TERT: variants seen among roughly 807,000 people sequenced by gnomAD.
TERT encodes telomerase catalytic subunit.
In TERT, 42 loss-of-function variants were observed where a neutral mutation model predicts 104.0. That is an observed-to-expected ratio of 0.40 (90% CI 0.32 to 0.52). The LOEUF (loss-of-function observed/expected upper bound fraction) is 0.52, where lower values mean the gene tolerates loss of function less well. Ranked by LOEUF, TERT falls within the 20% of genes least tolerant of loss-of-function variation. The pLI, the probability that TERT is intolerant of heterozygous loss-of-function variation, is 0.43. For missense variants in TERT, 1,101 were observed against 1,610.3 expected, an observed-to-expected ratio of 0.68 and a Z score of 5.41; for synonymous variants, 781 against 725.6, an observed-to-expected ratio of 1.08 and a Z score of -1.23.
rs1329866275 is a variant in TERT at position 1,286,383 on chromosome 5, A to G, written c.1574-3759T>C. On this transcript the variant is annotated intron_variant, in intron 2 of 15. Transcript: ENST00000310581. This position sits in a 1 kb window ranked among gnomAD's most constrained non-coding sequence, Gnocchi z 5.3. ...AGACGGGGAACAAAGGAGGAAAAGC[A>G]GGGCGGGGGCAAAGCTACAGAAACA... Among the ~76,000 whole-genome samples, 1 of 152,200 alleles carries G rather than the reference A, an allele frequency of 6.6e-6. No homozygotes were observed. The highest frequency in any genetic ancestry group is 2.4e-5 in the African/African-American group (1 of 41,446).
chr5:1,264,463 G>T lies in TERT; in HGVS notation c.2784C>A (p.Phe928Leu). ...AFVQMPAHGL[F>L]PWCGLLLDTR... Reference sequence around the variant, plus strand: ...TATCCAGCAGCAGGCCGCACCAGGGGAATAGGCCGTGGGCCGGCATCTGAA... The same window carrying T: ...TATCCAGCAGCAGGCCGCACCAGGGTAATAGGCCGTGGGCCGGCATCTGAA... Residue 928 changes from phenylalanine to leucine, a missense_variant, in exon 11 of 16, where the codon TTC becomes TTA. This residue lies in a region of TERT where 463 missense variants were observed against 797.5 expected (regional missense o/e 0.58). Coordinates refer to ENST00000310581, the MANE Select transcript of TERT (RefSeq NM_198253.3). 6.2e-7 allele frequency: 1 copy of T among 1,613,852 alleles called. No individual in the cohort carries two copies. Among genetic ancestry groups the T allele is most frequent in the Non-Finnish European group, 8.5e-7 (1 of 1,180,026 alleles).
chr5:1,278,979 G>C (rs1199650303), intron 5 of TERT, among the ~76,000 whole-genome samples, 183 bp from the exon 6 acceptor site: 2 of 152,246 alleles, frequency 1.3e-5, no homozygotes, highest in Admixed American at 6.5e-5. Flanking sequence ...CCCTGGCTCA[G>C]GACTGGGGTG....
intron 2 of TERT, among the ~76,000 whole-genome samples, chr5:1,291,135 C>T (rs375353615): frequency 2.1e-4 from 27 of 126,978 alleles, no homozygotes; most frequent in Middle Eastern, 5.4e-3. Context: ...CAGGGACACC[C>T]GGGGACAGTG....
At chr5:1,260,738 G>C (rs910978050) in intron 11 of TERT, 138 bp from the exon 12 acceptor site, 31 of 1,252,696 alleles carry the variant, frequency 2.5e-5, no homozygotes, top group Middle Eastern at 2.6e-4. Context: ...GCCCGAGGGG[G>C]CTGGGTGCTC....
Position 1,288,165 on chromosome 5 carries a change from A to G in TERT, c.1573+5148T>C, listed in dbSNP as rs928142127. Among the ~76,000 whole-genome samples the G allele has an allele frequency of 2.0e-5, 3 of 152,286 alleles. No individual in the cohort carries two copies. The highest frequency in any genetic ancestry group is 7.2e-5 in the African/African-American group (3 of 41,548). ...AAACACAGCGTGCACAAAGAAAAAA[A>G]TCACAGAATAAGAATACTTAAAAGA... On this transcript the variant is annotated intron_variant, in intron 2 of 15. Coordinates refer to ENST00000310581, the MANE Select transcript of TERT (RefSeq NM_198253.3). This position sits in a 1 kb window ranked among gnomAD's most constrained non-coding sequence, Gnocchi z 5.3.
rs565829318 is a variant in TERT at position 1,255,936 on chromosome 5, C to T, written c.3033-525G>A. ...ACCCATCATCTCATCTCACTGACAC[C>T]GAGACACCGACTTGGCTTCTGTGTG... On this transcript the variant is annotated intron_variant, in intron 13 of 15. Coordinates refer to ENST00000310581, the MANE Select transcript of TERT (RefSeq NM_198253.3). This position sits in a 1 kb window ranked among gnomAD's most constrained non-coding sequence, Gnocchi z 6.9. Among the ~76,000 whole-genome samples the T allele has an allele frequency of 5.3e-5, 8 of 152,098 alleles. No homozygotes were observed. Among genetic ancestry groups the T allele is most frequent in the Admixed American group, 2.0e-4 (3 of 15,282 alleles).
In TERT at chr5:1,257,931, G is replaced by A. The variant is rs1329833677; in HGVS notation, c.3032+667C>T. 6.6e-6 allele frequency among the ~76,000 whole-genome samples: 1 copy of A among 152,188 alleles called. No homozygotes were observed. Among genetic ancestry groups the A allele is most frequent in the Non-Finnish European group, 1.5e-5 (1 of 68,024 alleles). ...AGGCCCGGGCCTGTGGTGCCCGACT[G>A]CCCTTTGGTACAGCCCCGAGGCTTG... On this transcript the variant is annotated intron_variant, in intron 13 of 15. Coordinates refer to ENST00000310581, the MANE Select transcript of TERT (RefSeq NM_198253.3). The surrounding 1 kb of genome is among the most constrained non-coding windows in gnomAD (Gnocchi z 5.6).
chr5:1,267,790 C>A (rs1335732797), intron 9 of TERT, among the ~76,000 whole-genome samples: 3 of 152,072 alleles, frequency 2.0e-5, no homozygotes, highest in African/African-American at 4.8e-5. Context: ...ACAATGAGAA[C>A]ACTTGGACAC....
rs377216965 is a variant in TERT at position 1,271,196 on chromosome 5, G to C, written c.2391C>G (p.Ser797=). 325 of 1,613,016 alleles carry C rather than the reference G, an allele frequency of 2.0e-4. 1 individual carries two copies. The highest frequency in any genetic ancestry group is 3.7e-5 in the Non-Finnish European group (44 of 1,179,918). Residue 797 remains serine (S), a synonymous_variant, in exon 8 of 16, where the codon TCC becomes TCG. Transcript: ENST00000310581. The stretch of plus-strand genomic sequence containing the variant: ...AGAGGCCACTGCTGGCCTCATTCAG[G>C]GAGGAGCTCTGCGAAAGCAGACGGG... ...RDAVVIEQSS[S]LNEASSGLFD...
chr5:1,266,689 G>A (rs1386427729), intron 9 of TERT, among the ~76,000 whole-genome samples, 154 bp from the exon 10 acceptor site: 2 of 152,214 alleles, frequency 1.3e-5, no homozygotes, highest in African/African-American at 4.8e-5. Flanking sequence ...CTTTCCAACA[G>A]ACGAGCTCTC....
rs1164672434 is a variant in TERT at position 1,273,135 on chromosome 5, C to CTGT, written c.2287-856_2287-855insACA. On this transcript the variant is annotated intron_variant, in intron 6 of 15. Coordinates refer to ENST00000310581, the MANE Select transcript of TERT (RefSeq NM_198253.3). ...CACAGTCACCACACATCAGACCCCA[C>CTGT]GACCGCCATCCACAGTCACCACATC... 1.7e-3 allele frequency among the ~76,000 whole-genome samples: 24 copies of CTGT among 13,836 alleles called. 2 individuals carry two copies. Among genetic ancestry groups the CTGT allele is most frequent in the South Asian group, 6.0e-3 (1 of 168 alleles). 9.1% of individuals were successfully genotyped at this position (13,836 alleles called of 152,430 possible). A position where few individuals can be genotyped will look rare whatever the true frequency, so the allele number is the denominator to read the frequency against.
intron 2 of TERT, among the ~76,000 whole-genome samples, chr5:1,291,376 C>G (rs1579593566): frequency 1.1e-5 from 1 of 93,466 alleles, no homozygotes; most frequent in Admixed American, 1.1e-4. Context: ...CTGCACGTGA[C>G]AGGGACACCC....
chr5:1,279,441 T>A lies in TERT; in HGVS notation c.1980A>T (p.Ala660=). 6.4e-7 allele frequency: 1 copy of A among 1,550,616 alleles called. No individual in the cohort carries two copies. The highest frequency in any genetic ancestry group is 2.4e-5 in the East Asian group (1 of 41,106). Residue 660 remains alanine (A), a synonymous_variant, in exon 5 of 16, where the codon GCA becomes GCT. Transcript: ENST00000310581. ...GCTCGTAGTTGAGCACGCTGAACAG[T>A]GCCTTCACCCTCGAGGTGAGACGCT... ...RAERLTSRVK[A]LFSVLNYERA... is the part of the protein sequence containing the mutation.
rs2126666133 is a variant in TERT at position 1,287,606 on chromosome 5, A to C, written c.1574-4982T>G. ...GTGTGGCAGTACTAAGAGCAATTTA[A>C]AAAAAGAATTACTAGATTACTAGAG... On this transcript the variant is annotated intron_variant, in intron 2 of 15. Coordinates refer to ENST00000310581, the MANE Select transcript of TERT (RefSeq NM_198253.3). This position sits in a 1 kb window ranked among gnomAD's most constrained non-coding sequence, Gnocchi z 4.3. Among the ~76,000 whole-genome samples the C allele has an allele frequency of 6.6e-6, 1 of 152,144 alleles. No homozygotes were observed. The highest frequency in any genetic ancestry group is 1.5e-5 in the Non-Finnish European group (1 of 68,010).
chr5:1,271,072 C>T, intron 8 of TERT, 47 bp downstream of exon 8: 1 of 1,491,592 alleles, frequency 6.7e-7, no homozygotes, highest in Non-Finnish European at 9.3e-7. Flanking sequence ...GCCCTGCCAG[C>T]CCGCCCAGCC....
rs542376603 is a variant in TERT, at chr5:1,259,576, C to T, written c.2970+898G>A. On this transcript the variant is annotated intron_variant, in intron 12 of 15. Coordinates refer to ENST00000310581, the MANE Select transcript of TERT (RefSeq NM_198253.3). ...ACAGGAGAGGGAGTGGACGCAGATG[C>T]CCACAGGAGAGGGAGTGGACATGGA... Among the ~76,000 whole-genome samples the T allele has an allele frequency of 2.3e-5, 3 of 131,420 alleles. No individual in the cohort carries two copies. The East Asian group carries it at 7.2e-4, about 31-fold the overall frequency. 86.2% of individuals were successfully genotyped at this position (131,420 alleles called of 152,430 possible).
At position 1,278,858 on chromosome 5, in the gene TERT, C is replaced by A. The variant is rs1436661321; in HGVS notation, c.2131-62G>T. ...CGCAGAAACTCAGACATCACCTCTG[C>A]CCTCAGGGCCTGGCCTGGCGGTGTC... On this transcript the variant is annotated intron_variant, in intron 5 of 15. Transcript: ENST00000310581. The A allele has an allele frequency of 8.7e-6, 14 of 1,607,998 alleles. No individual in the cohort carries two copies. In the South Asian group the frequency reaches 1.4e-4, roughly 16 times the overall value.
intron 2 of TERT, chr5:1,282,929 C>T (rs1169643311): frequency 2.1e-6 from 1 of 482,486 alleles, no homozygotes; most frequent in Non-Finnish European, 3.8e-6. Flanking sequence ...CGAACTCACC[C>T]CGGACCTGCA....
intron 6 of TERT, among the ~76,000 whole-genome samples, chr5:1,275,912 A>G (rs1387215668): frequency 3.6e-5 from 5 of 140,496 alleles, no homozygotes; most frequent in East Asian, 2.2e-4. Context: ...ATGAAAACCA[A>G]TCCCACAGAT....
Sources: allele counts gnomAD v4.1 joint callset (sites outside exome capture counted in the v4.1 genomes callset), GRCh38; gene constraint gnomAD v4.1.1; regional missense constraint gnomAD v4.1.1; non-coding constraint Gnocchi (gnomAD v3.1); transcripts MANE v1.5; gene names NCBI Gene and HGNC (gene_info 2026-07-23, HGNC 2026-07-21).